LEF1: variants seen among roughly 807,000 people sequenced by gnomAD.
LEF1 encodes the protein lymphoid enhancer-binding factor 1.
A neutral mutation model predicts 51.2 loss-of-function variants in LEF1; 14 were observed. That is an observed-to-expected ratio of 0.27 (90% CI 0.18 to 0.43). LEF1 has a LOEUF of 0.43. LEF1 is among the 20% of genes least tolerant of loss of function. LEF1 has a pLI of 1.00. For missense variants in LEF1, 386 were observed against 512.0 expected, an observed-to-expected ratio of 0.75 and a Z score of 2.37; for synonymous variants, 185 against 183.2, an observed-to-expected ratio of 1.01 and a Z score of -0.08.
rs934688077 is a variant in LEF1 at position 108,047,605 on chromosome 4, T to C, written c.*1153A>G. 1 of 152,504 alleles carries C rather than the reference T, an allele frequency of 6.6e-6. No individual in the cohort carries two copies. Among genetic ancestry groups the C allele is most frequent in the Non-Finnish European group, 1.5e-5 (1 of 68,032 alleles). 9.4% of individuals were successfully genotyped at this position (152,504 alleles called of 1,614,324 possible). On this transcript the variant is annotated 3_prime_UTR_variant, in exon 12 of 12. Coordinates refer to ENST00000265165, the MANE Select transcript of LEF1 (RefSeq NM_016269.5). ...TTCTTTTAAAAAAATGCTCAGCACATTAACTCAAACTGGAATGACAAACGT... is the reference window on the plus strand; with the variant it reads ...TTCTTTTAAAAAAATGCTCAGCACACTAACTCAAACTGGAATGACAAACGT...
rs574542660 is a variant in LEF1 at position 108,054,935 on chromosome 4, G to A, written c.*7-6184C>T. ...GTTACTTTGCTAAAGGTCACAGACA[G>A]CTATGAGCAGCAGGATTTCCCACTC... On this transcript the variant is annotated intron_variant, in intron 11 of 11. Coordinates refer to ENST00000265165, the MANE Select transcript of LEF1 (RefSeq NM_016269.5). Among the ~76,000 whole-genome samples, 84 of 152,314 alleles carry A rather than the reference G, an allele frequency of 5.5e-4. 1 individual carries two copies. The South Asian group carries it at 0.016, about 30-fold the overall frequency.
chr4:108,059,672 G>C (rs915491777), intron 11 of LEF1, among the ~76,000 whole-genome samples: 4 of 152,162 alleles, frequency 2.6e-5, no homozygotes, highest in African/African-American at 9.6e-5. Context: ...CCAGCTGTGT[G>C]ATATTCCACA....
chr4:108,051,895 G>T (rs1432570588), intron 11 of LEF1, among the ~76,000 whole-genome samples: 1 of 152,186 alleles, frequency 6.6e-6, no homozygotes, highest in Admixed American at 6.5e-5. Flanking sequence ...TTTCTGGGAG[G>T]TCAACAGCAC....
chr4:108,093,193 T>C (rs1740162813), intron 3 of LEF1, among the ~76,000 whole-genome samples: 1 of 152,118 alleles, frequency 6.6e-6, no homozygotes, highest in Admixed American at 6.5e-5. Flanking sequence ...ACAGTCCTGC[T>C]CACTACACAA....
chr4:108,077,690 C>T (rs566435229), intron 8 of LEF1, among the ~76,000 whole-genome samples: 101 of 148,038 alleles, frequency 6.8e-4, no homozygotes, highest in African/African-American at 2.3e-3. Flanking sequence ...GCGCAGCTGC[C>T]GCCCCATCTG....
chr4:108,085,704 T>TCTAC (rs3839191), intron 4 of LEF1, among the ~76,000 whole-genome samples: 1 of 6,788 alleles, frequency 1.5e-4, no homozygotes. Context: ...GGCGTTTGAC[T>TCTAC]CTATAGAAAT....
intron 3 of LEF1, among the ~76,000 whole-genome samples, chr4:108,113,691 C>A (rs1741663593): frequency 1.3e-5 from 2 of 152,144 alleles, no homozygotes; most frequent in South Asian, 4.1e-4. Context: ...TGGGCAAATG[C>A]AAAACAGCAG....
At chr4:108,080,818 A>T (rs1739235324) in intron 6 of LEF1, among the ~76,000 whole-genome samples, 1 of 152,214 alleles carries the variant, frequency 6.6e-6, no homozygotes. Flanking sequence ...ATTCACAACC[A>T]GTTAATAACC....
chr4:108,157,966 A>G (rs1744831875), intron 3 of LEF1, among the ~76,000 whole-genome samples: 1 of 152,206 alleles, frequency 6.6e-6, no homozygotes, highest in Non-Finnish European at 1.5e-5. Context: ...TTTCTGAGTT[A>G]GCAATGCCTC....
At chr4:108,085,124 T>C (rs919971315) in intron 4 of LEF1, among the ~76,000 whole-genome samples, 2 of 152,236 alleles carry the variant, frequency 1.3e-5, no homozygotes. Context: ...AGTCTCCCTC[T>C]GTCACCCAGG....
Position 108,166,245 on chromosome 4 carries a change from C to T in LEF1, c.214-1082G>A, listed in dbSNP as rs1026862476. 3.3e-6 allele frequency: 5 copies of T among 1,535,300 alleles called. No individual in the cohort carries two copies. In the Admixed American group the frequency reaches 9.8e-5, roughly 30 times the overall value. On this transcript the variant is annotated intron_variant, in intron 1 of 11. Transcript: ENST00000265165. Reference sequence around the variant, plus strand: ...ACCATTCTGTTCTCTGAACGCAGGCCCCCAGCCTTTCAAAATTCGTACTCA... The same window carrying T: ...ACCATTCTGTTCTCTGAACGCAGGCTCCCAGCCTTTCAAAATTCGTACTCA...
chr4:108,130,220 A>T (rs1335791116), intron 3 of LEF1, among the ~76,000 whole-genome samples: 1 of 152,206 alleles, frequency 6.6e-6, no homozygotes, highest in African/African-American at 2.4e-5. Context: ...ACAGATGATA[A>T]CACTGGTGAC....
At chr4:108,163,754 C>T (rs752456432) in intron 2 of LEF1, 53 bp from the exon 3 acceptor site, 5 of 1,565,776 alleles carry the variant, frequency 3.2e-6, no homozygotes, top group Non-Finnish European at 3.5e-6. Context: ...TTTTATATTA[C>T]TGTATTTTTC....
intron 3 of LEF1, among the ~76,000 whole-genome samples, chr4:108,108,175 T>C (rs1220880775): frequency 6.6e-6 from 1 of 152,218 alleles, no homozygotes; most frequent in Non-Finnish European, 1.5e-5. Flanking sequence ...GATACACAGC[T>C]TTTAACAGTG....
At chr4:108,070,837 C>A in intron 8 of LEF1, 67 bp from the exon 9 acceptor site, 5 of 1,044,882 alleles carry the variant, frequency 4.8e-6, no homozygotes, top group South Asian at 2.9e-5. Flanking sequence ...TTTTATGTTT[C>A]AAAAATCAAA....
At chr4:108,134,415 G>T (rs1432673850) in intron 3 of LEF1, among the ~76,000 whole-genome samples, 4 of 152,096 alleles carry the variant, frequency 2.6e-5, no homozygotes, top group African/African-American at 9.7e-5. Flanking sequence ...GCTAGAATAG[G>T]GCTCTACTGC....
chr4:108,112,449 C>G (rs1345334009), intron 3 of LEF1, among the ~76,000 whole-genome samples: 1 of 152,212 alleles, frequency 6.6e-6, no homozygotes. Flanking sequence ...CACCCATGGG[C>G]ACACAGCCAT....
chr4:108,052,077 C>T (rs906446291), intron 11 of LEF1, among the ~76,000 whole-genome samples: 6 of 152,140 alleles, frequency 3.9e-5, no homozygotes, highest in Non-Finnish European at 8.8e-5. Context: ...GAAGAAAGGG[C>T]CAAGGAGACA....
At chr4:108,075,988 T>G (rs542811857) in intron 8 of LEF1, among the ~76,000 whole-genome samples, 12 of 150,080 alleles carry the variant, frequency 8.0e-5, no homozygotes, top group African/African-American at 2.7e-4. Flanking sequence ...CACCTCTGTT[T>G]GCCAGGACGG....
Sources: gnomAD v4.1 joint callset for allele counts (sites outside exome capture counted in the v4.1 genomes callset) on GRCh38, gnomAD v4.1.1 for gene constraint, MANE v1.5 for transcripts, NCBI Gene and HGNC (gene_info 2026-07-23, HGNC 2026-07-21) for gene names.